ANO2: variants seen among roughly 807,000 people sequenced by gnomAD.
The protein encoded by ANO2 is anoctamin-2.
A neutral mutation model predicts 124.2 loss-of-function variants in ANO2; 101 were observed. That is an observed-to-expected ratio of 0.81 (90% confidence interval 0.69 to 0.96). The LOEUF is 0.96. Ranked by LOEUF, ANO2 falls within the 40% of genes least tolerant of loss-of-function variation. The pLI is 0.00. For missense variants in ANO2, 1,293 were observed against 1,274.5 expected, an observed-to-expected ratio of 1.01 and a Z score of -0.22; for synonymous variants, 486 against 482.5, an observed-to-expected ratio of 1.01 and a Z score of -0.09.
At position 5,563,124 on chromosome 12, in the gene ANO2, T is replaced by G; in HGVS notation, c.*175A>C. ...TTTCTGAGATGTAGCATCATTTCTC[T>G]TCCTTCCTACACTCATTCTGTCAGG... On this transcript the variant is annotated 3_prime_UTR_variant, in exon 25 of 25. Transcript: ENST00000682330. The G allele has an allele frequency of 1.1e-6, 1 of 886,036 alleles. No individual in the cohort carries two copies. Among genetic ancestry groups the G allele is most frequent in the Non-Finnish European group, 1.7e-6 (1 of 601,186 alleles). The allele number at this position is 886,036 out of a possible 1,614,324, so 54.9% of individuals were successfully genotyped here.
At chr12:5,593,488 T>C (rs2136871813) in intron 20 of ANO2, among the ~76,000 whole-genome samples, 1 of 152,302 alleles carries the variant, frequency 6.6e-6, no homozygotes, top group East Asian at 1.9e-4. Context: ...CTTCTGATTC[T>C]TAGGTATGCC....
intron 11 of ANO2, among the ~76,000 whole-genome samples, chr12:5,749,457 C>G (rs117621283): frequency 0.011 from 1,651 of 152,298 alleles, 19 homozygotes; most frequent in Non-Finnish European, 0.016. Flanking sequence ...ATGTTTAATC[C>G]AAATGGAGAA....
intron 14 of ANO2, among the ~76,000 whole-genome samples, chr12:5,730,360 T>G (rs1481530497): frequency 6.6e-6 from 1 of 152,224 alleles, no homozygotes; most frequent in Non-Finnish European, 1.5e-5. Context: ...GATTACCAGC[T>G]TCCCCACAAC....
At chr12:5,901,186 C>T (rs1375678329) in intron 3 of ANO2, among the ~76,000 whole-genome samples, 1 of 152,198 alleles carries the variant, frequency 6.6e-6, no homozygotes, top group Non-Finnish European at 1.5e-5. Flanking sequence ...AAAAATGCGG[C>T]CTTTGCATCT....
intron 14 of ANO2, among the ~76,000 whole-genome samples, chr12:5,718,077 A>C (rs1950088050): frequency 6.6e-6 from 1 of 152,242 alleles, no homozygotes; most frequent in East Asian, 1.9e-4. Flanking sequence ...ATTTCTTGTC[A>C]TCTTGGCATT....
intron 4 of ANO2, among the ~76,000 whole-genome samples, chr12:5,844,032 A>C (rs908836778): frequency 1.3e-5 from 2 of 152,214 alleles, no homozygotes; most frequent in Non-Finnish European, 2.9e-5. Context: ...GGAAAAGGTA[A>C]TATCAGCTCG....
At chr12:5,592,722 G>C (rs939088580) in intron 20 of ANO2, among the ~76,000 whole-genome samples, 1 of 152,202 alleles carries the variant, frequency 6.6e-6, no homozygotes, top group African/African-American at 2.4e-5. Flanking sequence ...GTAATTCCAA[G>C]GAGAAATGGT....
intron 14 of ANO2, among the ~76,000 whole-genome samples, chr12:5,729,227 C>T (rs546707123): frequency 2.0e-5 from 3 of 151,540 alleles, no homozygotes; most frequent in Admixed American, 6.6e-5. Context: ...ACTGGTAATC[C>T]AAATATATAA....
At chr12:5,764,548 C>T (rs1406773056) in intron 10 of ANO2, among the ~76,000 whole-genome samples, 1 of 152,198 alleles carries the variant, frequency 6.6e-6, no homozygotes, top group Non-Finnish European at 1.5e-5. Flanking sequence ...TCAACCTCCA[C>T]ATTATAATGA....
At chr12:5,791,804 T>C (rs564560355) in intron 10 of ANO2, among the ~76,000 whole-genome samples, 1 of 152,276 alleles carries the variant, frequency 6.6e-6, no homozygotes, top group South Asian at 2.1e-4. Flanking sequence ...TTTACAGTAA[T>C]ACAATATGAT....
At chr12:5,930,787 C>A (rs1045535092) in intron 1 of ANO2, among the ~76,000 whole-genome samples, 1 of 152,170 alleles carries the variant, frequency 6.6e-6, no homozygotes, top group Non-Finnish European at 1.5e-5. Context: ...CCCAGAGGTC[C>A]TGCAGAACAG....
intron 10 of ANO2, among the ~76,000 whole-genome samples, chr12:5,775,718 C>A (rs1021015297): frequency 6.6e-6 from 1 of 152,168 alleles, no homozygotes; most frequent in Non-Finnish European, 1.5e-5. Flanking sequence ...GCCTCGGCCT[C>A]CCAAAGTGCA....
chr12:5,628,687 T>TGTGCGCGC (rs989599957), intron 16 of ANO2, among the ~76,000 whole-genome samples: 4 of 145,890 alleles, frequency 2.7e-5, no homozygotes, highest in African/African-American at 1.1e-4. Context: ...TGTGTGTGTG[T>TGTGCGCGC]GCGCGCGCGC....
chr12:5,754,720 G>T (rs1032174613), intron 10 of ANO2, among the ~76,000 whole-genome samples: 3 of 151,994 alleles, frequency 2.0e-5, no homozygotes, highest in Non-Finnish European at 4.4e-5. Flanking sequence ...TGTCCAATTT[G>T]TTGGTGTATA....
At chr12:5,700,520 A>T (rs956708474) in intron 14 of ANO2, among the ~76,000 whole-genome samples, 1 of 152,192 alleles carries the variant, frequency 6.6e-6, no homozygotes, top group Admixed American at 6.5e-5. Context: ...CTAACATCAC[A>T]ATTAAAAGAA....
intron 11 of ANO2, among the ~76,000 whole-genome samples, chr12:5,748,234 C>T (rs761131632): frequency 2.0e-5 from 3 of 152,202 alleles, no homozygotes; most frequent in Non-Finnish European, 4.4e-5. Context: ...TGTGGGGACC[C>T]GGGGCACAAG....
At chr12:5,771,802 T>C (rs938493230) in intron 10 of ANO2, among the ~76,000 whole-genome samples, 1 of 152,182 alleles carries the variant, frequency 6.6e-6, no homozygotes, top group African/African-American at 2.4e-5. Flanking sequence ...GAATTCTTCA[T>C]TGAATGGTTT....
intron 3 of ANO2, among the ~76,000 whole-genome samples, chr12:5,896,718 C>A (rs1433839995): frequency 2.6e-5 from 4 of 152,110 alleles, no homozygotes; most frequent in Admixed American, 1.3e-4. Context: ...ATAATTCTCC[C>A]TATTAATGAT....
intron 14 of ANO2, among the ~76,000 whole-genome samples, chr12:5,692,385 A>G (rs1591921362): frequency 1.3e-5 from 2 of 152,238 alleles, no homozygotes; most frequent in East Asian, 1.9e-4. Flanking sequence ...GATGAACTTA[A>G]GTAAGATACT....
Sources: allele counts gnomAD v4.1 joint callset (sites outside exome capture counted in the v4.1 genomes callset), GRCh38; gene constraint gnomAD v4.1.1; transcripts MANE v1.5; gene names NCBI Gene and HGNC (gene_info 2026-07-23, HGNC 2026-07-21).